The following EPC2 variants were observed in gnomAD, a reference collection of about 807,000 sequenced individuals.
EPC2 encodes enhancer of polycomb 2, also known as enhancer of polycomb homolog 2.
Under a neutral mutation model 92.1 loss-of-function variants are expected in EPC2, and 14 were observed. The observed-to-expected ratio is 0.15, with a 90% CI of 0.10 to 0.24. The LOEUF (loss-of-function observed/expected upper bound fraction) is 0.24, where lower values mean the gene tolerates loss of function less well. Ranked by LOEUF, EPC2 falls within the 10% of genes least tolerant of loss-of-function variation. The probability of loss-of-function intolerance (pLI) is 1.00; values close to 1 mark genes in which losing one functional copy is unlikely to be tolerated. For missense variants in EPC2, 755 were observed against 971.5 expected, an observed-to-expected ratio of 0.78 and a Z score of 2.96; for synonymous variants, 340 against 334.7, an observed-to-expected ratio of 1.02 and a Z score of -0.17.
chr2:148,710,449 C>T (rs534802366), intron 2 of EPC2, among the ~76,000 whole-genome samples: 19 of 152,294 alleles, frequency 1.2e-4, no homozygotes, highest in South Asian at 4.1e-4. Flanking sequence ...GGCAATTCCT[C>T]AAGGATCTAG....
At chr2:148,709,679 A>C (rs577538439) in intron 2 of EPC2, among the ~76,000 whole-genome samples, 53 of 152,352 alleles carry the variant, frequency 3.5e-4, no homozygotes, top group Non-Finnish European at 7.1e-4. Context: ...CAGAGCCCTC[A>C]GAAATAATGC....
intron 2 of EPC2, among the ~76,000 whole-genome samples, chr2:148,726,765 G>GTTT (rs201293391): frequency 1.9e-4 from 19 of 100,584 alleles, no homozygotes; most frequent in African/African-American, 3.1e-4. Context: ...TTTGTTTTTT[G>GTTT]TTTTTTTTTT....
chr2:148,744,008 T>C (rs1302490539), intron 3 of EPC2, among the ~76,000 whole-genome samples: 2 of 152,146 alleles, frequency 1.3e-5, no homozygotes, highest in Admixed American at 6.5e-5. Flanking sequence ...CACAATGTTA[T>C]AATATTTTAT....
At chr2:148,678,604 G>T (rs1197543017) in intron 1 of EPC2, among the ~76,000 whole-genome samples, 1 of 152,264 alleles carries the variant, frequency 6.6e-6, no homozygotes, top group Non-Finnish European at 1.5e-5. Flanking sequence ...GGCTGGCACT[G>T]CTGGGGGACC....
chr2:148,673,993 G>A (rs1681206494), intron 1 of EPC2, among the ~76,000 whole-genome samples: 1 of 152,138 alleles, frequency 6.6e-6, no homozygotes, highest in Non-Finnish European at 1.5e-5. Flanking sequence ...CTTTTGGGTT[G>A]TTTTCTTGAT....
chr2:148,685,219 T>A (rs1411011981), intron 1 of EPC2, among the ~76,000 whole-genome samples: 1 of 146,754 alleles, frequency 6.8e-6, no homozygotes, highest in African/African-American at 2.5e-5. Flanking sequence ...TGAACAAAAA[T>A]TTTTAATTTT....
At chr2:148,667,132 A>G (rs537693867) in intron 1 of EPC2, among the ~76,000 whole-genome samples, 1 of 152,236 alleles carries the variant, frequency 6.6e-6, no homozygotes, top group Non-Finnish European at 1.5e-5. Flanking sequence ...TGGTGTTTTA[A>G]GATACCAGTA....
intron 3 of EPC2, among the ~76,000 whole-genome samples, chr2:148,747,530 ATAGT>A (rs1201937267): frequency 6.6e-6 from 1 of 151,914 alleles, no homozygotes; most frequent in Non-Finnish European, 1.5e-5. Context: ...TTTCTTTGTC[ATAGT>A]TAAATTTTCA....
intron 1 of EPC2, among the ~76,000 whole-genome samples, chr2:148,654,393 A>G (rs1484431048): frequency 1.3e-5 from 2 of 152,202 alleles, no homozygotes; most frequent in South Asian, 2.1e-4. Flanking sequence ...TTATTCTGTG[A>G]TAGAGTTTCA....
intron 8 of EPC2, among the ~76,000 whole-genome samples, chr2:148,770,297 C>T (rs967712167): frequency 6.6e-5 from 10 of 152,104 alleles, no homozygotes; most frequent in African/African-American, 2.2e-4. Context: ...GTCTTGGCCT[C>T]CTAAAGTGCT....
At chr2:148,771,012 C>G (rs746129367) in intron 9 of EPC2, 32 bp from the exon 10 acceptor site, 1 of 1,592,302 alleles carries the variant, frequency 6.3e-7, no homozygotes, top group Non-Finnish European at 8.5e-7. Context: ...TCAGCTCTCT[C>G]AGTTAATATT....
At chr2:148,753,861 C>A in intron 3 of EPC2, 66 bp from the exon 4 acceptor site, 1 of 1,411,380 alleles carries the variant, frequency 7.1e-7, no homozygotes, top group African/African-American at 1.4e-5. Context: ...TTTCTACAGC[C>A]ATAAGCTAAC....
At chr2:148,684,733 G>A (rs991085867) in intron 1 of EPC2, among the ~76,000 whole-genome samples, 5 of 152,144 alleles carry the variant, frequency 3.3e-5, no homozygotes, top group Non-Finnish European at 7.3e-5. Flanking sequence ...ACATACCTGC[G>A]TGAGGTTTTC....
intron 1 of EPC2, among the ~76,000 whole-genome samples, chr2:148,689,091 A>G (rs964020427): frequency 1.3e-5 from 2 of 152,224 alleles, no homozygotes; most frequent in Admixed American, 6.5e-5. Context: ...AGAAACAGCA[A>G]CATCAGTGTG....
chr2:148,760,088 C>CA (rs1436139362), intron 4 of EPC2, among the ~76,000 whole-genome samples: 1 of 152,022 alleles, frequency 6.6e-6, no homozygotes, highest in African/African-American at 2.4e-5. Context: ...TCTAAAAATA[C>CA]AAAAAATAGC....
chr2:148,784,494 C>T (rs1049762429), intron 12 of EPC2, among the ~76,000 whole-genome samples, 174 bp from the exon 13 acceptor site: 39 of 152,180 alleles, frequency 2.6e-4, no homozygotes, highest in African/African-American at 9.4e-4. Flanking sequence ...GGGGTTGTAG[C>T]AGATTAGTAC....
At chr2:148,695,994 C>G (rs1681738772) in intron 2 of EPC2, among the ~76,000 whole-genome samples, 1 of 152,228 alleles carries the variant, frequency 6.6e-6, no homozygotes, top group South Asian at 2.1e-4. Context: ...GATCAGCTAG[C>G]TCTAAGGATA....
chr2:148,674,967 G>A (rs1046011794), intron 1 of EPC2, among the ~76,000 whole-genome samples: 1 of 152,330 alleles, frequency 6.6e-6, no homozygotes, highest in Non-Finnish European at 1.5e-5. Context: ...TTGGAATATA[G>A]TTTTAAATAT....
chr2:148,779,027 T>A (rs906762294), intron 10 of EPC2, among the ~76,000 whole-genome samples: 2 of 152,206 alleles, frequency 1.3e-5, no homozygotes, highest in Non-Finnish European at 2.9e-5. Flanking sequence ...TTAATCTGAA[T>A]AATTTGGATT....
Sources: allele counts gnomAD v4.1 joint callset (sites outside exome capture counted in the v4.1 genomes callset), GRCh38; gene constraint gnomAD v4.1.1; transcripts MANE v1.5; gene names NCBI Gene and HGNC (gene_info 2026-07-23, HGNC 2026-07-21).